The following HEATR4 variants were observed in gnomAD, a reference collection of about 807,000 sequenced individuals.
HEATR4 encodes HEAT repeat-containing protein 4.
Under a neutral mutation model 108.8 loss-of-function variants are expected in HEATR4, and 95 were observed. That is an observed-to-expected ratio of 0.87 (90% CI 0.74 to 1.04). The LOEUF is 1.04. Ranked by LOEUF, HEATR4 falls within the 50% of genes least tolerant of loss-of-function variation. The pLI is 0.00. For synonymous variants in HEATR4, 443 were observed against 459.4 expected, an observed-to-expected ratio of 0.96 and a Z score of 0.46; for missense variants, 1,152 against 1,253.8, an observed-to-expected ratio of 0.92 and a Z score of 1.23.
chr14:73,484,833 GACACACAC>G (rs529857941), intron 17 of HEATR4, among the ~76,000 whole-genome samples: 1 of 141,554 alleles, frequency 7.1e-6, no homozygotes, highest in Non-Finnish European at 1.5e-5. Context: ...CACACACACA[GACACACAC>G]ACACACACAC....
In HEATR4 at chr14:73,512,094, C is replaced by G; in HGVS notation, c.1470G>C (p.Leu490=). Residue 490 remains leucine, a synonymous_variant, in exon 7 of 18, where the codon CTG becomes CTC. Coordinates refer to ENST00000553558, the MANE Select transcript of HEATR4 (RefSeq NM_001220484.1). ...TAGCTTTGATCCGAACGTCATCATG[C>G]AGGTCTCCCAAGCTCTGAAGCAGGT... ...VENLLQSLGD[L]HDDVRIKAIT... The G allele has an allele frequency of 1.2e-6, 2 of 1,614,186 alleles. No homozygotes were observed. Among genetic ancestry groups the G allele is most frequent in the Non-Finnish European group, 1.7e-6 (2 of 1,180,028 alleles).
At chr14:73,524,310 A>AAAAATATAT in intron 2 of HEATR4, among the ~76,000 whole-genome samples, 567 of 54,680 alleles carry the variant, frequency 0.01, 5 homozygotes, top group Non-Finnish European at 0.014. Context: ...AAAAAAAAAA[A>AAAAATATAT]ATATATATAT....
rs1269837638 is a variant in HEATR4, at chr14:73,509,388, T to C, written c.1644A>G (p.Ala548=). Residue 548 remains alanine (A), a synonymous_variant, in exon 8 of 18, where the codon GCA becomes GCG. Transcript: ENST00000553558. ...GTATGGCATATTGGCATATTGCTGC[T>C]GCCATCCGCACATGGGCATTCTTGT... is the stretch of plus-strand genomic sequence containing the variant. ...LCDKNAHVRM[A]AAICQYAIQS... The C allele has an allele frequency of 1.9e-6, 3 of 1,614,146 alleles. No individual in the cohort carries two copies. The highest frequency in any genetic ancestry group is 3.3e-5 in the Admixed American group (2 of 60,010).
In HEATR4 at chr14:73,492,762, C is replaced by T. The variant is rs778412349; in HGVS notation, c.2844+304G>A. 2 of 1,613,892 alleles carry T rather than the reference C, an allele frequency of 1.2e-6. No homozygotes were observed. The highest frequency in any genetic ancestry group is 1.1e-5 in the South Asian group (1 of 91,082). ...TCCCGTGTGTATCATCTGGAAGAAC[C>T]CAAGTGCTTGGAAATATACCCCCAG... On this transcript the variant is annotated intron_variant, in intron 17 of 17. Transcript: ENST00000553558. The surrounding 1 kb of genome is among the most constrained non-coding windows in gnomAD (Gnocchi z 4.9).
the HEATR4 span, chr14:73,593,965 C>A: frequency 3.5e-6 from 5 of 1,431,788 alleles, no homozygotes; most frequent in Middle Eastern, 7.2e-4. Flanking sequence ...GAGAGTGTAA[C>A]CTTTACCACG....
chr14:73,579,573 C>CAA, the HEATR4 span, among the ~76,000 whole-genome samples: 56 of 56,102 alleles, frequency 1.0e-3, no homozygotes, highest in Non-Finnish European at 1.5e-3. Flanking sequence ...AAAGCCGTCT[C>CAA]AAAAAAAAAA....
chr14:73,565,923 G>A, the HEATR4 span, among the ~76,000 whole-genome samples: 2 of 152,020 alleles, frequency 1.3e-5, no homozygotes, highest in African/African-American at 4.8e-5. Flanking sequence ...TCTCTTATCT[G>A]GCCCCACTCA....
At chr14:73,593,877 C>A in the HEATR4 span, 1 of 1,613,550 alleles carries the variant, frequency 6.2e-7, no homozygotes, top group Non-Finnish European at 8.5e-7. Flanking sequence ...TCGAAGAAGC[C>A]GTATGCTACA....
At chr14:73,578,085 A>C in the HEATR4 span, among the ~76,000 whole-genome samples, 2 of 151,792 alleles carry the variant, frequency 1.3e-5, no homozygotes, top group African/African-American at 4.8e-5. Flanking sequence ...TCCTGACCTC[A>C]GGTGATCCAC....
In HEATR4 at chr14:73,492,443, G is replaced by C; in HGVS notation, c.2844+623C>G. On this transcript the variant is annotated intron_variant, in intron 17 of 17. Transcript: ENST00000553558. The surrounding 1 kb of genome is among the most constrained non-coding windows in gnomAD (Gnocchi z 4.9). ...AGATTCTAAGGATCCGCGAAGAACC[G>C]CTTTCATGGAGAAGGTGCGGGTCTT... 1.2e-6 allele frequency: 2 copies of C among 1,613,778 alleles called. No homozygotes were observed. The highest frequency in any genetic ancestry group is 1.7e-6 in the Non-Finnish European group (2 of 1,179,778).
At chr14:73,590,605 A>T in the HEATR4 span, among the ~76,000 whole-genome samples, 1 of 152,190 alleles carries the variant, frequency 6.6e-6, no homozygotes, top group African/African-American at 2.4e-5. Flanking sequence ...GGCGGGCTGC[A>T]GGTCCCGAGC....
At chr14:73,626,187 T>C in the HEATR4 span, among the ~76,000 whole-genome samples, 110,051 of 152,142 alleles carry the variant, frequency 0.72, 40,004 homozygotes, top group East Asian at 0.91. Flanking sequence ...AATCTTTTGG[T>C]TTTCCTAGGC....
upstream of HEATR4, among the ~76,000 whole-genome samples, chr14:73,563,555 A>G (rs571181222): frequency 7.2e-5 from 11 of 152,208 alleles, 1 homozygote; most frequent in South Asian, 2.3e-3. Flanking sequence ...AGATCGCGCC[A>G]CTGCACTCCA....
the HEATR4 span, among the ~76,000 whole-genome samples, chr14:73,578,678 G>A: frequency 3.3e-5 from 5 of 152,158 alleles, no homozygotes; most frequent in Non-Finnish European, 5.9e-5. Flanking sequence ...GAGGCCGGGT[G>A]CGGTGGCTTA....
intron 5 of HEATR4, 114 bp from the exon 6 acceptor site, chr14:73,514,348 AC>A (rs1408707452): frequency 4.1e-5 from 35 of 862,222 alleles, no homozygotes; most frequent in Non-Finnish European, 6.3e-5. Context: ...GCAAAACAAA[AC>A]CCTCAAGAGT....
chr14:73,490,863 G>GT, intron 17 of HEATR4: 2 of 722,022 alleles, frequency 2.8e-6, no homozygotes, highest in Non-Finnish European at 3.9e-6. Flanking sequence ...GAAAGAGAGC[G>GT]GGAGGGGCCG....
chr14:73,629,571 T>C, the HEATR4 span, among the ~76,000 whole-genome samples: 7 of 152,064 alleles, frequency 4.6e-5, no homozygotes, highest in African/African-American at 1.4e-4. Context: ...CAGAGCTGCA[T>C]GAAGGGGACT....
chr14:73,521,835 T>C (rs1363566837), intron 3 of HEATR4, among the ~76,000 whole-genome samples: 1 of 152,206 alleles, frequency 6.6e-6, no homozygotes, highest in Non-Finnish European at 1.5e-5. Context: ...GATACATTTC[T>C]GGGAGCACCT....
In HEATR4 at chr14:73,495,210, C is replaced by T. The variant is rs777359042; in HGVS notation, c.2785+18G>A. On this transcript the variant is annotated intron_variant, in intron 16 of 17. Transcript: ENST00000553558. ...ATTAAAGGAATCAAGGCATGGAACTCACCCCTAGGAAACCTACCCTGAAAA... is the reference window on the plus strand; with the variant it reads ...ATTAAAGGAATCAAGGCATGGAACTTACCCCTAGGAAACCTACCCTGAAAA... 6 of 1,608,820 alleles carry T rather than the reference C, an allele frequency of 3.7e-6. 1 individual carries two copies. The South Asian group carries it at 6.6e-5, about 18-fold the overall frequency.
Sources: gnomAD v4.1 joint callset for allele counts (sites outside exome capture counted in the v4.1 genomes callset) on GRCh38, gnomAD v4.1.1 for gene constraint, Gnocchi (gnomAD v3.1) non-coding constraint, MANE v1.5 for transcripts, NCBI Gene and HGNC (gene_info 2026-07-23, HGNC 2026-07-21) for gene names.